Variants in TARBP1 observed in about 807,000 individuals in gnomAD.
TARBP1 encodes tRNA guanosine 2 -O-methyltransferase TARBP1, also known as tRNA (guanosine(18)-2'-O)-methyltransferase TARBP1.
In TARBP1, 144 loss-of-function variants were observed where a neutral mutation model predicts 178.6. The observed-to-expected ratio is 0.81, with a 90% CI of 0.70 to 0.93. The LOEUF is 0.93. Among genes scored for constraint, TARBP1 ranks in the 40% least tolerant of loss-of-function variants. The pLI is 0.00. For missense variants in TARBP1, 2,067 were observed against 2,011.7 expected (o/e 1.03, Z -0.53); for synonymous variants, 787 against 781.0 (o/e 1.01, Z -0.13).
At chr1:234,451,044 T>C (rs943800902) in intron 9 of TARBP1, among the ~76,000 whole-genome samples, 1 of 152,194 alleles carries the variant, frequency 6.6e-6, no homozygotes, top group Non-Finnish European at 1.5e-5. Context: ...GAATTTGAAA[T>C]TTAAGTTATA....
chr1:234,425,640 A>G, intron 20 of TARBP1, 33 bp downstream of exon 20: 1 of 1,597,740 alleles, frequency 6.3e-7, no homozygotes. Flanking sequence ...TGACTGTTAA[A>G]AACAAAGATA....
intron 21 of TARBP1, among the ~76,000 whole-genome samples, chr1:234,418,538 T>TA (rs990872432): frequency 6.6e-6 from 1 of 152,200 alleles, no homozygotes; most frequent in South Asian, 2.1e-4. Flanking sequence ...ACATACCTAG[T>TA]AAGTGGAAGA....
Position 234,406,048 on chromosome 1 carries a change from G to T in TARBP1, c.3844C>A (p.His1282Asn), listed in dbSNP as rs776439080. 1 of 1,614,158 alleles carries T rather than the reference G, an allele frequency of 6.2e-7. No homozygotes were observed. Among genetic ancestry groups the T allele is most frequent in the Non-Finnish European group, 8.5e-7 (1 of 1,180,018 alleles). The change falls in exon 24 of 30, where the codon CAC (histidine) becomes AAC (asparagine). Residue 1282 changes from histidine to asparagine, a missense_variant. Physicochemically the swap from His to Asn is moderately conservative, Grantham distance 68. Transcript: ENST00000040877. ...GCATACAGTCGAACACTAAAATTGT[G>T]ATTGAAACACCACTGCAGCACAACT... ...LIVVLQWCFN[H>N]NFSVRLYALV...
At chr1:234,406,823 T>C (rs1661294335) in intron 23 of TARBP1, 1 of 152,212 alleles carries the variant, frequency 6.6e-6, no homozygotes. Context: ...ACCCAAACTT[T>C]TAATGAAATA....
At chr1:234,418,825 A>C (rs1407675886) in intron 21 of TARBP1, among the ~76,000 whole-genome samples, 3 of 152,236 alleles carry the variant, frequency 2.0e-5, no homozygotes, top group Non-Finnish European at 2.9e-5. Context: ...CGGGGGACGG[A>C]ACCTATCTAA....
chr1:234,422,739 A>T (rs1357070844), intron 20 of TARBP1, among the ~76,000 whole-genome samples: 1 of 152,238 alleles, frequency 6.6e-6, no homozygotes, highest in Non-Finnish European at 1.5e-5. Context: ...TAACAGTATA[A>T]CTGGATTGTT....
intron 3 of TARBP1, among the ~76,000 whole-genome samples, chr1:234,468,884 C>T (rs535384413): frequency 6.6e-6 from 1 of 151,864 alleles, no homozygotes; most frequent in East Asian, 2.0e-4. Flanking sequence ...TCCCTGACTA[C>T]CCCACTCACC....
rs886574288 is a variant in TARBP1, at chr1:234,427,588, C to T, written c.3239G>A (p.Arg1080Lys). The change falls in exon 18 of 30, where the codon AGG becomes AAG. Residue 1080 changes from arginine to lysine, a missense_variant. Coordinates refer to ENST00000040877, the MANE Select transcript of TARBP1 (RefSeq NM_005646.4). ...LEACIFGTVF[R>K]RDQRLVQDVQ... is the part of the protein sequence containing the mutation. Reference sequence around the variant, plus strand: ...TAGCATCTTTTACCTTTGATCACGCCTAAACACAGTTCCAAATATACAAGC... The same window carrying T: ...TAGCATCTTTTACCTTTGATCACGCTTAAACACAGTTCCAAATATACAAGC... The T allele has an allele frequency of 8.1e-6, 13 of 1,600,652 alleles. No individual in the cohort carries two copies. Among genetic ancestry groups the T allele is most frequent in the African/African-American group, 1.3e-5 (1 of 74,150 alleles).
chr1:234,426,588 T>C (rs1663802753), intron 19 of TARBP1, among the ~76,000 whole-genome samples: 1 of 152,216 alleles, frequency 6.6e-6, no homozygotes, highest in South Asian at 2.1e-4. Flanking sequence ...CTAAATATTA[T>C]AATCATTTGA....
chr1:234,464,046 A>T, intron 5 of TARBP1, 112 bp from the exon 6 acceptor site: 1 of 512,532 alleles, frequency 2.0e-6, no homozygotes, highest in Non-Finnish European at 3.2e-6. Flanking sequence ...TAAAACAATC[A>T]GACAGTTTTA....
At position 234,401,208 on chromosome 1, in the gene TARBP1, A is replaced by C. The variant is rs745995677; in HGVS notation, c.4044T>G (p.Phe1348Leu). The change falls in exon 25 of 30, where the codon TTT becomes TTG. Residue 1348 changes from phenylalanine to leucine, a missense_variant. By Grantham distance (22) the Phe-to-Leu change is conservative (BLOSUM62 0). Coordinates refer to ENST00000040877, the MANE Select transcript of TARBP1 (RefSeq NM_005646.4). ...CTAGACAATAATCCTTGAGTGGGTGAAATGTTGCAAAAAAGAAATGCTCCT... is the reference window on the plus strand; with the variant it reads ...CTAGACAATAATCCTTGAGTGGGTGCAATGTTGCAAAAAAGAAATGCTCCT... The part of the protein sequence containing the change: ...RIQEHFFFAT[F>L]HPLKDYCLET... 5 of 1,613,518 alleles carry C rather than the reference A, an allele frequency of 3.1e-6. No homozygotes were observed. Among genetic ancestry groups the C allele is most frequent in the Non-Finnish European group, 4.2e-6 (5 of 1,179,746 alleles).
At position 234,393,833 on chromosome 1, in the gene TARBP1, A is replaced by G; in HGVS notation, c.4248T>C (p.Thr1416=). ...CTTGGTTATCTGCTTCGACCAAATT[A>G]GTACCTGGGAAGGAAAAAGAAAACA... ...PGDWSQQDIG[T]NLVEADNQAE... is the part of the protein sequence containing the mutation. The change falls in exon 27 of 30, where the codon ACT becomes ACC. Residue 1416 remains threonine (T), a synonymous_variant. Transcript: ENST00000040877. 7.5e-6 allele frequency: 12 copies of G among 1,600,608 alleles called. No homozygotes were observed. Among genetic ancestry groups the G allele is most frequent in the South Asian group, 1.1e-5 (1 of 90,022 alleles).
chr1:234,437,680 G>A lies in TARBP1; in HGVS notation c.2135-308C>T, dbSNP rs371060576. Among the ~76,000 whole-genome samples, 5 of 152,310 alleles carry A rather than the reference G, an allele frequency of 3.3e-5. No homozygotes were observed. In the East Asian group the frequency reaches 7.7e-4, roughly 23 times the overall value. On this transcript the variant is annotated intron_variant, in intron 12 of 29. Coordinates refer to ENST00000040877, the MANE Select transcript of TARBP1 (RefSeq NM_005646.4). ...ACTCTACAAGGAAAAAATAGCAGGT[G>A]GATTCAGAGAGAAGTAACACTGAAC...
At chr1:234,457,973 T>C (rs967106622) in intron 8 of TARBP1, among the ~76,000 whole-genome samples, 1 of 151,538 alleles carries the variant, frequency 6.6e-6, no homozygotes, top group African/African-American at 2.4e-5. Flanking sequence ...TAACTTAAAA[T>C]TGAGGTTACT....
At chr1:234,426,941 T>C (rs1362753474) in intron 19 of TARBP1, among the ~76,000 whole-genome samples, 1 of 152,208 alleles carries the variant, frequency 6.6e-6, no homozygotes, top group East Asian at 1.9e-4. Context: ...ACTTGTTAAA[T>C]GGTGAATTTT....
intron 3 of TARBP1, among the ~76,000 whole-genome samples, chr1:234,468,936 T>C (rs895602305): frequency 2.9e-4 from 44 of 151,790 alleles, no homozygotes; most frequent in African/African-American, 1.0e-3. Flanking sequence ...TCCCCTCATA[T>C]ATCTTACAAT....
At chr1:234,464,013 A>G (rs1306923200) in intron 5 of TARBP1, 79 bp from the exon 6 acceptor site, 9 of 778,310 alleles carry the variant, frequency 1.2e-5, no homozygotes, top group Non-Finnish European at 1.7e-5. Context: ...TAAATGGACC[A>G]TGGCCCAAAA....
At position 234,433,432 on chromosome 1, in the gene TARBP1, A is replaced by C. The variant is rs767840599; in HGVS notation, c.2372T>G (p.Leu791Arg). The change falls in exon 14 of 30, where the codon CTT (leucine) becomes CGT (arginine). Residue 791 changes from leucine to arginine, a missense_variant. Transcript: ENST00000040877. Reference sequence around the variant, plus strand: ...TACCTGTCCACTGTCCATCTCTTGAAGATGCTGAATGGATGCATTTTTCAA... The same window carrying C: ...TACCTGTCCACTGTCCATCTCTTGACGATGCTGAATGGATGCATTTTTCAA... Reference protein sequence around the residue: ...SLLKNASIQHLQEMDSGQEPT... With the variant: ...SLLKNASIQHRQEMDSGQEPT... 34 of 1,613,844 alleles carry C rather than the reference A, an allele frequency of 2.1e-5. No individual in the cohort carries two copies. Among genetic ancestry groups the C allele is most frequent in the Non-Finnish European group, 2.9e-5 (34 of 1,180,002 alleles).
chr1:234,444,559 G>T (rs4920245), intron 12 of TARBP1, among the ~76,000 whole-genome samples: 1 of 152,074 alleles, frequency 6.6e-6, no homozygotes, highest in African/African-American at 2.4e-5. Context: ...CCTCAAGGGC[G>T]TGCTCAGCAA....
Sources: gnomAD v4.1 joint callset for allele counts (sites outside exome capture counted in the v4.1 genomes callset) on GRCh38, gnomAD v4.1.1 for gene constraint, MANE v1.5 for transcripts, NCBI Gene and HGNC (gene_info 2026-07-23, HGNC 2026-07-21) for gene names.